The following TTC14 variants were observed in gnomAD, a reference collection of about 807,000 sequenced individuals.
The protein encoded by TTC14 is tetratricopeptide repeat domain 14, also known as tetratricopeptide repeat protein 14.
A neutral mutation model predicts 79.9 loss-of-function variants in TTC14; 63 were observed. That is an observed-to-expected ratio of 0.79 (90% CI 0.64 to 0.97). The LOEUF (loss-of-function observed/expected upper bound fraction) is 0.97, where lower values mean the gene tolerates loss of function less well. TTC14 is among the 50% of genes least tolerant of loss of function. The probability of loss-of-function intolerance (pLI) is 0.00; values close to 1 mark genes in which losing one functional copy is unlikely to be tolerated. For missense variants in TTC14, 895 were observed against 894.0 expected (o/e 1.00, Z -0.01); for synonymous variants, 335 against 309.6 (o/e 1.08, Z -0.86).
At chr3:180,602,451 C>T (rs1284119903) in intron 1 of TTC14, 29 bp downstream of exon 1, 17 of 1,575,622 alleles carry the variant, frequency 1.1e-5, no homozygotes, top group East Asian at 2.3e-5. Context: ...CACTGCGCCA[C>T]GGAAGAGGGG....
Position 180,606,450 on chromosome 3 carries a change from A to T in TTC14, c.1050-31A>T, listed in dbSNP as rs757163173. 3 of 1,613,314 alleles carry T rather than the reference A, an allele frequency of 1.9e-6. No homozygotes were observed. In the South Asian group the frequency reaches 3.3e-5, roughly 18 times the overall value. Reference sequence around the variant, plus strand: ...AAGATTTATGAAGAGCTTGTGAGATACAGCCCTCTATCTTTGTTTCATGTC... The same window carrying T: ...AAGATTTATGAAGAGCTTGTGAGATTCAGCCCTCTATCTTTGTTTCATGTC... On this transcript the variant is annotated intron_variant, in intron 8 of 11. Transcript: ENST00000296015.
At chr3:180,608,915 T>A in intron 11 of TTC14, 105 bp downstream of exon 11, 4 of 1,265,530 alleles carry the variant, frequency 3.2e-6, no homozygotes, top group Non-Finnish European at 4.0e-6. Flanking sequence ...GTATTTCAAG[T>A]GCCAATCAGT....
chr3:180,602,814 A>G, intron 1 of TTC14, 77 bp from the exon 2 acceptor site: 1 of 1,486,620 alleles, frequency 6.7e-7, no homozygotes, highest in Non-Finnish European at 9.0e-7. Context: ...TGGGCGATGA[A>G]AGCCATAAGC....
intron 10 of TTC14, chr3:180,608,030 T>C (rs1716787541): frequency 7.9e-6 from 9 of 1,132,560 alleles, no homozygotes; most frequent in Non-Finnish European, 8.7e-6. Context: ...GGAGCTCACC[T>C]GGTGGTTTTT....
At chr3:180,612,737 A>G (rs1403513587), downstream of TTC14, among the ~76,000 whole-genome samples, 2 of 152,168 alleles carry the variant, frequency 1.3e-5, no homozygotes, top group African/African-American at 2.4e-5. Context: ...TGGTGTCTTA[A>G]ACACAACAAA....
chr3:180,605,700 G>A, intron 6 of TTC14, 66 bp from the exon 7 acceptor site: 1 of 1,173,894 alleles, frequency 8.5e-7, no homozygotes. Flanking sequence ...CTGTCAAGCA[G>A]AGTTAAGTAT....
chr3:180,607,887 G>GAAACT, intron 10 of TTC14, 122 bp downstream of exon 10: 1 of 1,478,170 alleles, frequency 6.8e-7, no homozygotes, highest in East Asian at 2.5e-5. Context: ...TTTCTTTTTA[G>GAAACT]GTATAGTTTT....
intron 3 of TTC14, chr3:180,603,618 T>C (rs943583048): frequency 2.0e-5 from 7 of 356,626 alleles, no homozygotes; most frequent in African/African-American, 1.5e-4. Context: ...TTCAGACTTA[T>C]TTCTTGTAGT....
At chr3:180,602,616 T>C in intron 1 of TTC14, 194 bp downstream of exon 1, 1 of 789,494 alleles carries the variant, frequency 1.3e-6, no homozygotes, top group Non-Finnish European at 1.9e-6. Context: ...GGCTGAACTT[T>C]TTCTCTGGCA....
chr3:180,602,448 C>T, intron 1 of TTC14, 26 bp downstream of exon 1: 1 of 1,580,222 alleles, frequency 6.3e-7, no homozygotes, highest in Non-Finnish European at 8.6e-7. Flanking sequence ...TGCCACTGCG[C>T]CACGGAAGAG....
rs774348493 is a variant in TTC14 at position 180,607,721 on chromosome 3, A to G, written c.1246A>G (p.Lys416Glu). 7.4e-6 allele frequency: 12 copies of G among 1,612,352 alleles called. No individual in the cohort carries two copies. The Admixed American group carries it at 2.0e-4, about 27-fold the overall frequency. ...AGCTTTGGCTTTGGATGAGACTTTTAAAGATGCAGAGGATGCTTTGCAGAA... is the reference window on the plus strand; with the variant it reads ...AGCTTTGGCTTTGGATGAGACTTTTGAAGATGCAGAGGATGCTTTGCAGAA... Reference protein sequence around the residue: ...KKALALDETFKDAEDALQKLH... With the variant: ...KKALALDETFEDAEDALQKLH... The change falls in exon 10 of 12, where the codon AAA becomes GAA. Residue 416 changes from lysine (K) to glutamate (E), a missense_variant. Lys to Glu is a moderately conservative substitution (Grantham distance 56). Transcript: ENST00000296015.
downstream of TTC14, among the ~76,000 whole-genome samples, chr3:180,617,993 A>G (rs1560079904): frequency 6.6e-6 from 1 of 152,050 alleles, no homozygotes; most frequent in African/African-American, 2.4e-5. Flanking sequence ...TTTTTAATCC[A>G]TTATACCATA....
intron 1 of TTC14, 80 bp from the exon 2 acceptor site, chr3:180,602,811 T>C: frequency 1.4e-6 from 2 of 1,475,560 alleles, no homozygotes; most frequent in Non-Finnish European, 1.8e-6. Flanking sequence ...GAATGGGCGA[T>C]GAAAGCCATA....
In TTC14 at chr3:180,609,788, C is replaced by T; in HGVS notation, c.1559C>T (p.Ser520Leu). Residue 520 changes from serine to leucine, a missense_variant, in exon 12 of 12, where the codon TCA becomes TTA. Coordinates refer to ENST00000296015, the MANE Select transcript of TTC14 (RefSeq NM_133462.4). ...TCTTCTCGCAGTTCCAGAAGGCATTCATCTAGGGCATCCTCAAATCAGATA... is the reference window on the plus strand; with the variant it reads ...TCTTCTCGCAGTTCCAGAAGGCATTTATCTAGGGCATCCTCAAATCAGATA... Reference protein sequence around the residue: ...SESSRSSRRHSSRASSNQIDQ... With the variant: ...SESSRSSRRHLSRASSNQIDQ... 1.9e-6 allele frequency: 3 copies of T among 1,613,858 alleles called. No homozygotes were observed. Among genetic ancestry groups the T allele is most frequent in the Non-Finnish European group, 2.5e-6 (3 of 1,179,884 alleles).
At chr3:180,616,907 T>A (rs748476314) in intron 12 of TTC14, 1 of 1,560,342 alleles carries the variant, frequency 6.4e-7, no homozygotes, top group Non-Finnish European at 8.8e-7. Context: ...GCTTCTCTGA[T>A]AACTTTTCTT....
At chr3:180,614,398 T>C (rs1717140153), downstream of TTC14, 1 of 150,862 alleles carries the variant, frequency 6.6e-6, no homozygotes, top group African/African-American at 2.4e-5. Flanking sequence ...TGGGTAGGGG[T>C]TGATGCTATT....
rs972645233 is a variant in TTC14 at position 180,603,461 on chromosome 3, T to C, written c.486+138T>C. ...AAATTAAATGTTAATTGGAGAAAAA[T>C]AGTTTAAAAAAATTAGTGTAAGTTA... On this transcript the variant is annotated intron_variant, in intron 3 of 11. Coordinates refer to ENST00000296015, the MANE Select transcript of TTC14 (RefSeq NM_133462.4). The C allele has an allele frequency of 3.8e-6, 3 of 783,698 alleles. No individual in the cohort carries two copies. The African/African-American group carries it at 5.3e-5, about 14-fold the overall frequency. The allele number at this position is 783,698 out of a possible 1,614,324, so 48.5% of individuals were successfully genotyped here.
downstream of TTC14, among the ~76,000 whole-genome samples, chr3:180,615,906 A>G (rs1436976315): frequency 1.3e-5 from 2 of 152,192 alleles, no homozygotes; most frequent in East Asian, 1.9e-4. Context: ...ATCATATTCT[A>G]TATGTCTGTA....
chr3:180,606,334 C>G lies in TTC14; in HGVS notation c.1011C>G (p.Asp337Glu), dbSNP rs533706235. ...MNEYNKALEI[D>E]KQNVEALVAR... The stretch of plus-strand genomic sequence containing the variant: ...AATACAATAAAGCTTTGGAAATAGA[C>G]AAACAAAACGTGGAAGCTTTGGTAG... The change falls in exon 8 of 12, where the codon GAC becomes GAG. Residue 337 changes from aspartate to glutamate, a missense_variant. Transcript: ENST00000296015. The G allele has an allele frequency of 6.2e-7, 1 of 1,613,864 alleles. No individual in the cohort carries two copies. The highest frequency in any genetic ancestry group is 1.7e-5 in the Admixed American group (1 of 59,980).
Sources: allele counts gnomAD v4.1 joint callset (sites outside exome capture counted in the v4.1 genomes callset), GRCh38; gene constraint gnomAD v4.1.1; transcripts MANE v1.5; gene names NCBI Gene and HGNC (gene_info 2026-07-23, HGNC 2026-07-21).